MGRN1: variants seen among roughly 807,000 people sequenced by gnomAD.
MGRN1 encodes the protein mahogunin ring finger 1.
A neutral mutation model predicts 69.2 loss-of-function variants in MGRN1; 29 were observed. The ratio of observed to expected loss-of-function variants is 0.42; its 90% CI spans 0.31 to 0.57. The LOEUF is 0.57. Among genes scored for constraint, MGRN1 ranks in the 20% least tolerant of loss-of-function variants. The pLI is 0.15. For synonymous variants in MGRN1, 470 were observed against 344.2 expected (o/e 1.37, Z -4.04); for missense variants, 998 against 796.2 (o/e 1.25, Z -3.05).
intron 5 of MGRN1, among the ~76,000 whole-genome samples, chr16:4,658,183 C>CG (rs2078595328): frequency 6.6e-6 from 1 of 152,014 alleles, no homozygotes; most frequent in East Asian, 1.9e-4. Context: ...TGTTTTCCAG[C>CG]GTCCATCTGG....
intron 5 of MGRN1, among the ~76,000 whole-genome samples, chr16:4,662,012 C>G (rs2078692865): frequency 6.6e-6 from 1 of 152,162 alleles, no homozygotes; most frequent in African/African-American, 2.4e-5. Context: ...CGCCAGGGTG[C>G]TGCCAGCCTT....
In MGRN1 at chr16:4,660,699, C is replaced by T. The variant is rs141075011; in HGVS notation, c.561+3336C>T. On this transcript the variant is annotated intron_variant, in intron 5 of 16. Coordinates refer to ENST00000262370, the MANE Select transcript of MGRN1 (RefSeq NM_015246.4). The stretch of plus-strand genomic sequence containing the variant: ...TGCCGGTGCGCGAACTCCCCATTTC[C>T]GGGCTTCATGACAGCCCTTGTGGCA... Among the ~76,000 whole-genome samples the T allele has an allele frequency of 9.2e-5, 14 of 152,350 alleles. No homozygotes were observed. In the East Asian group the frequency reaches 9.6e-4, roughly 10 times the overall value.
chr16:4,646,398 C>T (rs142140510), intron 1 of MGRN1, among the ~76,000 whole-genome samples: 221 of 151,594 alleles, frequency 1.5e-3, no homozygotes, highest in African/African-American at 5.1e-3. Flanking sequence ...ACTCCAACCT[C>T]GGCGACAGAG....
At chr16:4,630,979 C>T (rs1897971684) in intron 1 of MGRN1, among the ~76,000 whole-genome samples, 1 of 151,902 alleles carries the variant, frequency 6.6e-6, no homozygotes, top group South Asian at 2.1e-4. Context: ...CCACTATGCC[C>T]AGCAAAGTTT....
intron 11 of MGRN1, among the ~76,000 whole-genome samples, chr16:4,678,707 C>G (rs926952999): frequency 6.6e-6 from 1 of 152,216 alleles, no homozygotes; most frequent in Non-Finnish European, 1.5e-5. Context: ...TGGCCACGCG[C>G]ATTGTCAGAT....
intron 4 of MGRN1, among the ~76,000 whole-genome samples, chr16:4,656,411 C>A (rs573242110): frequency 6.6e-6 from 1 of 152,170 alleles, no homozygotes; most frequent in Non-Finnish European, 1.5e-5. Flanking sequence ...ACGCCTACCC[C>A]GTCTGAACGT....
At chr16:4,629,191 T>TGTGTGTGA (rs777024460) in intron 1 of MGRN1, among the ~76,000 whole-genome samples, 26 of 148,914 alleles carry the variant, frequency 1.7e-4, no homozygotes, top group Non-Finnish European at 1.8e-4. Context: ...TGTGTGTGTG[T>TGTGTGTGA]GAAAAGTGTC....
chr16:4,651,880 C>G (rs1010974236), intron 2 of MGRN1, 83 bp from the exon 3 acceptor site: 7 of 1,199,146 alleles, frequency 5.8e-6, no homozygotes, highest in Non-Finnish European at 8.7e-6. Flanking sequence ...CCCTCTGGGG[C>G]TGTGGCTGCT....
intron 1 of MGRN1, among the ~76,000 whole-genome samples, chr16:4,646,706 C>T (rs981163777): frequency 6.6e-6 from 1 of 152,244 alleles, no homozygotes; most frequent in African/African-American, 2.4e-5. Flanking sequence ...TGGGTGCAGT[C>T]TGCCCAGAGA....
intron 13 of MGRN1, among the ~76,000 whole-genome samples, chr16:4,682,351 C>G (rs1436107249): frequency 1.3e-5 from 2 of 152,234 alleles, no homozygotes; most frequent in East Asian, 3.8e-4. Flanking sequence ...TCCCCTGGAG[C>G]CTTGCGGTGT....
Position 4,682,927 on chromosome 16 carries a change from G to A in MGRN1, c.1463G>A (p.Arg488Gln), listed in dbSNP as rs372306366. 9 of 1,595,804 alleles carry A rather than the reference G, an allele frequency of 5.6e-6. No individual in the cohort carries two copies. Among genetic ancestry groups the A allele is most frequent in the Middle Eastern group, 1.7e-4 (1 of 5,868 alleles). ...CTGGGTGGCGCAGAGCTGGCCCTGC[G>A]GGAAAGCAGCTCCCCTGAGGTGAGG... ...PPLGGAELALRESSSPESFIT... is the reference protein window; with the variant it reads ...PPLGGAELALQESSSPESFIT... The change falls in exon 14 of 17, where the codon CGG becomes CAG. Residue 488 changes from arginine to glutamine, a missense_variant. Arg to Gln is a conservative substitution (Grantham distance 43). Transcript: ENST00000262370.
At position 4,683,840 on chromosome 16, in the gene MGRN1, C is replaced by T. The variant is rs1238261459; in HGVS notation, c.1529-3C>T. ...GGTCCCTAACCTCACCCTCTGCCTGCAGGGACCCGAGCAGCTTCCATTGAG... is the reference window on the plus strand; with the variant it reads ...GGTCCCTAACCTCACCCTCTGCCTGTAGGGACCCGAGCAGCTTCCATTGAG... On this transcript the variant is annotated splice_polypyrimidine_tract_variant and splice_region_variant and intron_variant, in intron 15 of 16. Transcript: ENST00000262370. 1.2e-6 allele frequency: 2 copies of T among 1,612,344 alleles called. No individual in the cohort carries two copies. The highest frequency in any genetic ancestry group is 2.2e-5 in the East Asian group (1 of 44,852).
In MGRN1 at chr16:4,624,861, G is replaced by C. The variant is rs929027223; in HGVS notation, c.-100G>C. 4 of 997,946 alleles carry C rather than the reference G, an allele frequency of 4.0e-6. No individual in the cohort carries two copies. Among genetic ancestry groups the C allele is most frequent in the Non-Finnish European group, 5.4e-6 (4 of 739,398 alleles). The allele number at this position is 997,946 out of a possible 1,614,324, so 61.8% of individuals were successfully genotyped here. On this transcript the variant is annotated 5_prime_UTR_variant, in exon 1 of 17. Coordinates refer to ENST00000262370, the MANE Select transcript of MGRN1 (RefSeq NM_015246.4). ...GGCGCCTCCGCGGCCGTGGACGAGC[G>C]TCCGTGCGGCCTGGTCCGGGCCATG... is the stretch of plus-strand genomic sequence containing the variant.
chr16:4,665,195 G>A (rs771451011), intron 7 of MGRN1, 44 bp downstream of exon 7: 1 of 1,608,496 alleles, frequency 6.2e-7, no homozygotes, highest in South Asian at 1.1e-5. Flanking sequence ...CCTGGGAGCT[G>A]GGCAGGGGGT....
At chr16:4,633,250 G>A (rs577638634) in intron 1 of MGRN1, among the ~76,000 whole-genome samples, 38 of 152,136 alleles carry the variant, frequency 2.5e-4, no homozygotes, top group Admixed American at 5.2e-4. Context: ...TTAGCTGGAC[G>A]TGGTGGTGGG....
In MGRN1 at chr16:4,675,978, G is replaced by C. The variant is rs527517648; in HGVS notation, c.956-1485G>C. 4.8e-3 allele frequency among the ~76,000 whole-genome samples: 729 copies of C among 152,350 alleles called. 3 individuals are homozygous for C. Among genetic ancestry groups the C allele is most frequent in the Non-Finnish European group, 8.3e-3 (562 of 68,036 alleles). ...CCTTGCCCTGGATCCTGGGATCCCT[G>C]GCCTGGGTCCTGGCGGTGGGGCCGG... is the stretch of plus-strand genomic sequence containing the variant. On this transcript the variant is annotated intron_variant, in intron 10 of 16. Transcript: ENST00000262370.
chr16:4,677,236 A>T (rs981809854), intron 10 of MGRN1: 1 of 414,164 alleles, frequency 2.4e-6, no homozygotes, highest in Non-Finnish European at 4.3e-6. Context: ...CCCTCCCTCT[A>T]TTTCTGTACA....
intron 10 of MGRN1, among the ~76,000 whole-genome samples, chr16:4,674,801 C>T (rs1408717404): frequency 1.3e-5 from 2 of 148,256 alleles, no homozygotes; most frequent in East Asian, 2.0e-4. Flanking sequence ...CCACCGCGCC[C>T]GGCTAATTTT....
At chr16:4,640,979 A>C (rs546037433) in intron 1 of MGRN1, among the ~76,000 whole-genome samples, 1 of 152,300 alleles carries the variant, frequency 6.6e-6, no homozygotes, top group South Asian at 2.1e-4. Flanking sequence ...CCAGCGGGAA[A>C]GGGGGTGAAG....
Sources: gnomAD v4.1 joint callset for allele counts (sites outside exome capture counted in the v4.1 genomes callset) on GRCh38, gnomAD v4.1.1 for gene constraint, MANE v1.5 for transcripts, NCBI Gene and HGNC (gene_info 2026-07-23, HGNC 2026-07-21) for gene names.